Variants in PPARD observed in about 807,000 individuals in gnomAD.
PPARD encodes peroxisome proliferator-activated receptor delta.
In PPARD, 6 loss-of-function variants were observed where a neutral mutation model predicts 39.5. The ratio of observed to expected loss-of-function variants is 0.15; its 90% CI spans 0.08 to 0.30. PPARD has a LOEUF of 0.30. Ranked by LOEUF, PPARD falls within the 10% of genes least tolerant of loss-of-function variation. The pLI, the probability that PPARD is intolerant of heterozygous loss-of-function variation, is 1.00. For missense variants in PPARD, 397 were observed against 596.8 expected (o/e 0.67, Z 3.49); for synonymous variants, 210 against 231.3 (o/e 0.91, Z 0.83).
chr6:35,420,736 C>T (rs984516581), intron 4 of PPARD, among the ~76,000 whole-genome samples: 1 of 150,084 alleles, frequency 6.7e-6, no homozygotes. Flanking sequence ...ATCACCACCT[C>T]ACAAATACAC....
At chr6:35,353,186 G>GT (rs1460140937) in intron 2 of PPARD, among the ~76,000 whole-genome samples, 5 of 152,178 alleles carry the variant, frequency 3.3e-5, no homozygotes, top group South Asian at 2.1e-4. Context: ...TTTGTACTCT[G>GT]TTCTTTGGGC....
At position 35,416,614 on chromosome 6, in the gene PPARD, A is replaced by G. The variant is rs1487458897; in HGVS notation, c.131-3513A>G. ...TTACGTGAGATGAAATGGGTGTCCA[A>G]TGGAGTGCCTTTAGCAGGACACCTG... On this transcript the variant is annotated intron_variant, in intron 3 of 7. Coordinates refer to ENST00000360694, the MANE Select transcript of PPARD (RefSeq NM_006238.5). 3.3e-5 allele frequency among the ~76,000 whole-genome samples: 5 copies of G among 152,154 alleles called. No individual in the cohort carries two copies. The East Asian group carries it at 7.7e-4, about 24-fold the overall frequency.
chr6:35,379,197 G>A (rs1220034198), intron 2 of PPARD, among the ~76,000 whole-genome samples: 1 of 151,296 alleles, frequency 6.6e-6, no homozygotes. Context: ...TACGCCTCCT[G>A]GTTTCAAGCG....
intron 2 of PPARD, among the ~76,000 whole-genome samples, chr6:35,405,804 A>G (rs574553755): frequency 3.3e-5 from 5 of 151,250 alleles, no homozygotes; most frequent in African/African-American, 1.2e-4. Context: ...TAATTTTTGT[A>G]TTTTTAGTAG....
Position 35,424,779 on chromosome 6 carries a change from GGTGA to G in PPARD, c.1078+6_1078+9del, listed in dbSNP as rs1490719129. 2.5e-6 allele frequency: 4 copies of G among 1,612,604 alleles called. No individual in the cohort carries two copies. The highest frequency in any genetic ancestry group is 1.3e-5 in the African/African-American group (1 of 74,922). ...CATTGCGGCCATCATTCTGTGTGGA[GGTGA>G]GTGAGAGTGGGGCAGGTGGGCTGGC... On this transcript the variant is annotated splice_donor_variant and splice_donor_region_variant and intron_variant, in intron 7 of 7. Coordinates refer to ENST00000360694, the MANE Select transcript of PPARD (RefSeq NM_006238.5). LOFTEE classifies it high-confidence loss of function. This position sits in a 1 kb window ranked among gnomAD's most constrained non-coding sequence, Gnocchi z 7.1.
chr6:35,390,726 G>A (rs6910489), intron 2 of PPARD, among the ~76,000 whole-genome samples: 6,168 of 152,132 alleles, frequency 0.041, 273 homozygotes, highest in African/African-American at 0.11. Context: ...CATTAAATGC[G>A]TGGTTTGGTG....
At chr6:35,403,142 G>C (rs988433316) in intron 2 of PPARD, among the ~76,000 whole-genome samples, 2 of 152,218 alleles carry the variant, frequency 1.3e-5, no homozygotes, top group Non-Finnish European at 2.9e-5. Flanking sequence ...GGGAAGTTCT[G>C]TCTGTGGAGG....
intron 2 of PPARD, among the ~76,000 whole-genome samples, chr6:35,358,467 A>G (rs562294496): frequency 2.4e-4 from 37 of 152,346 alleles, no homozygotes; most frequent in Non-Finnish European, 4.4e-5. Context: ...GTTACAGTGC[A>G]GTAGGAAACT....
intron 2 of PPARD, among the ~76,000 whole-genome samples, chr6:35,396,076 C>T (rs528097237): frequency 6.7e-6 from 1 of 149,408 alleles, no homozygotes; most frequent in African/African-American, 2.6e-5. Flanking sequence ...TTCCCTGCCT[C>T]CCTGTCTCCT....
intron 2 of PPARD, among the ~76,000 whole-genome samples, chr6:35,385,442 G>C (rs1327003014): frequency 4.0e-5 from 6 of 150,220 alleles, no homozygotes; most frequent in South Asian, 2.1e-4. Context: ...CAGCATGCTC[G>C]TTAAGAGTCA....
At chr6:35,420,302 T>C in intron 4 of PPARD, 21 bp downstream of exon 4, 1 of 1,523,982 alleles carries the variant, frequency 6.6e-7, no homozygotes, top group Non-Finnish European at 8.8e-7. Flanking sequence ...GGGGGAGCGG[T>C]GGCTGGCCAC....
chr6:35,361,506 TAATA>T (rs1299533202), intron 2 of PPARD, among the ~76,000 whole-genome samples: 1 of 152,116 alleles, frequency 6.6e-6, no homozygotes, highest in Non-Finnish European at 1.5e-5. Flanking sequence ...AATAAAATAA[TAATA>T]AAAAAAGAAA....
At chr6:35,392,733 G>A (rs944653568) in intron 2 of PPARD, among the ~76,000 whole-genome samples, 1 of 152,148 alleles carries the variant, frequency 6.6e-6, no homozygotes, top group South Asian at 2.1e-4. Context: ...CTGTGACAGC[G>A]ACTCTGGAGC....
Position 35,425,891 on chromosome 6 carries a change from G to A in PPARD, c.1138G>A (p.Ala380Thr). The A allele has an allele frequency of 1.9e-6, 3 of 1,614,116 alleles. No homozygotes were observed. The highest frequency in any genetic ancestry group is 2.5e-6 in the Non-Finnish European group (3 of 1,180,024). ...GGCTATCCAGGACACCATCCTGCGT[G>A]CCCTCGAATTCCACCTGCAGGCCAA... Reference protein sequence around the residue: ...VEAIQDTILRALEFHLQANHP... With the variant: ...VEAIQDTILRTLEFHLQANHP... The change falls in exon 8 of 8, where the codon GCC becomes ACC. Residue 380 changes from alanine to threonine, a missense_variant. Physicochemically the swap from Ala to Thr is moderately conservative, Grantham distance 58. Coordinates refer to ENST00000360694, the MANE Select transcript of PPARD (RefSeq NM_006238.5). This position sits in a 1 kb window ranked among gnomAD's most constrained non-coding sequence, Gnocchi z 4.5.
chr6:35,355,363 G>A (rs559590443), intron 2 of PPARD, among the ~76,000 whole-genome samples: 19 of 151,662 alleles, frequency 1.3e-4, no homozygotes, highest in African/African-American at 3.9e-4. Context: ...ACCAGCCTGG[G>A]CAACATGGCG....
rs149040923 is a variant in PPARD at position 35,411,176 on chromosome 6, A to G, written c.89A>G (p.Asn30Ser). The change falls in exon 3 of 8, where the codon AAT becomes AGT. Residue 30 changes from asparagine to serine, a missense_variant. By Grantham distance (46) the Asn-to-Ser change is conservative. Transcript: ENST00000360694. ...GAGGCAGAAGGAGCCCCAGAGCTCAATGGGGGACCACAGCATGCACTTCCT... is the reference window on the plus strand; with the variant it reads ...GAGGCAGAAGGAGCCCCAGAGCTCAGTGGGGGACCACAGCATGCACTTCCT... ...VAEAEGAPEL[N>S]GGPQHALPSS... The G allele has an allele frequency of 5.0e-5, 79 of 1,570,284 alleles. 1 individual carries two copies. The highest frequency in any genetic ancestry group is 4.3e-4 in the East Asian group (18 of 41,442).
At chr6:35,416,001 G>C (rs1562220074) in intron 3 of PPARD, among the ~76,000 whole-genome samples, 1 of 152,114 alleles carries the variant, frequency 6.6e-6, no homozygotes, top group African/African-American at 2.4e-5. Flanking sequence ...AAGGCCTTCA[G>C]TTGTTGGATG....
chr6:35,405,739 C>T (rs759744885), intron 2 of PPARD, among the ~76,000 whole-genome samples: 2 of 152,082 alleles, frequency 1.3e-5, no homozygotes, highest in Admixed American at 6.5e-5. Context: ...AGGCGATTCT[C>T]GTGCCTCAGC....
intron 2 of PPARD, among the ~76,000 whole-genome samples, chr6:35,393,368 T>C (rs1179902908): frequency 6.6e-6 from 1 of 152,066 alleles, no homozygotes; most frequent in Non-Finnish European, 1.5e-5. Context: ...TTCAAGAGAG[T>C]CCCTTCTCTC....
Sources: gnomAD v4.1 joint callset for allele counts (sites outside exome capture counted in the v4.1 genomes callset) on GRCh38, gnomAD v4.1.1 for gene constraint, Gnocchi (gnomAD v3.1) non-coding constraint, MANE v1.5 for transcripts, NCBI Gene and HGNC (gene_info 2026-07-23, HGNC 2026-07-21) for gene names.